The following YLPM1 variants were observed in gnomAD, a reference collection of about 807,000 sequenced individuals.
YLPM1 encodes the protein YLP motif-containing protein 1.
Under a neutral mutation model 230.0 loss-of-function variants are expected in YLPM1, and 99 were observed. That is an observed-to-expected ratio of 0.43 (90% CI 0.37 to 0.51). YLPM1 has a LOEUF of 0.51. Ranked by LOEUF, YLPM1 falls within the 20% of genes least tolerant of loss-of-function variation. The probability of loss-of-function intolerance (pLI) is 0.00; values close to 1 mark genes in which losing one functional copy is unlikely to be tolerated. For missense variants in YLPM1, 2,592 were observed against 2,707.7 expected, an observed-to-expected ratio of 0.96 and a Z score of 0.95; for synonymous variants, 984 against 942.5, an observed-to-expected ratio of 1.04 and a Z score of -0.81.
intron 17 of YLPM1, 135 bp downstream of exon 17, chr14:74,821,272 A>G (rs1237702117): frequency 3.9e-6 from 5 of 1,289,340 alleles, no homozygotes; most frequent in Non-Finnish European, 5.1e-6. Flanking sequence ...ATCATCTTCA[A>G]GGAGACTTTT....
In YLPM1 at chr14:74,778,554, A is replaced by G. The variant is rs1339953448; in HGVS notation, c.981A>G (p.Pro327=). Residue 327 remains proline, a synonymous_variant, in exon 2 of 21, where the codon CCA becomes CCG. Transcript: ENST00000325680. ...GTCCTGTGGTAGCAAAGGATACACCAGAGCCGGTAAAAGAAGAAGTTACAG... is the reference window on the plus strand; with the variant it reads ...GTCCTGTGGTAGCAAAGGATACACCGGAGCCGGTAAAAGAAGAAGTTACAG... The part of the protein sequence containing the change: ...KKGPVVAKDT[P]EPVKEEVTVP... 1 of 1,606,642 alleles carries G rather than the reference A, an allele frequency of 6.2e-7. No individual in the cohort carries two copies. Among genetic ancestry groups the G allele is most frequent in the East Asian group, 2.2e-5 (1 of 44,692 alleles).
intron 1 of YLPM1, among the ~76,000 whole-genome samples, chr14:74,766,207 G>A (rs1399664880): frequency 6.6e-6 from 1 of 152,106 alleles, no homozygotes; most frequent in Non-Finnish European, 1.5e-5. Context: ...TAAAATACGA[G>A]AGTTGTCATG....
Position 74,798,804 on chromosome 14 carries a change from C to T in YLPM1, c.3507C>T (p.Phe1169=). 1 of 1,613,894 alleles carries T rather than the reference C, an allele frequency of 6.2e-7. No homozygotes were observed. Among genetic ancestry groups the T allele is most frequent in the Non-Finnish European group, 8.5e-7 (1 of 1,179,860 alleles). ...RSDFGRDRGP[F]RPEPGDGGEK... is the part of the protein sequence containing the mutation. Reference sequence around the variant, plus strand: ...ATTTTGGTCGTGATAGAGGTCCATTCAGACCAGAACCAGGAGATGGTGGGG... The same window carrying T: ...ATTTTGGTCGTGATAGAGGTCCATTTAGACCAGAACCAGGAGATGGTGGGG... The change falls in exon 5 of 21, where the codon TTC becomes TTT. Residue 1169 remains phenylalanine, a synonymous_variant. Transcript: ENST00000325680.
At chr14:74,835,169 A>G in intron 19 of YLPM1, 96 bp from the exon 20 acceptor site, 1 of 1,454,664 alleles carries the variant, frequency 6.9e-7, no homozygotes. Flanking sequence ...GCGGTTTCAA[A>G]TGAGTCATTC....
At chr14:74,805,225 T>G (rs941747498) in intron 6 of YLPM1, among the ~76,000 whole-genome samples, 16 of 152,084 alleles carry the variant, frequency 1.1e-4, no homozygotes, top group African/African-American at 3.9e-4. Flanking sequence ...TTTTACCAAT[T>G]GGCCAGGCTG....
In YLPM1 at chr14:74,816,706, C is replaced by A; in HGVS notation, c.5685+16C>A. The A allele has an allele frequency of 6.2e-7, 1 of 1,601,904 alleles. No individual in the cohort carries two copies. Among genetic ancestry groups the A allele is most frequent in the South Asian group, 1.1e-5 (1 of 89,004 alleles). ...GAAAAAGAAGGTATGGTATTCATCT[C>A]AGATCTCGTTCTGATTCATTAATAG... On this transcript the variant is annotated intron_variant, in intron 13 of 20. Transcript: ENST00000325680.
intron 4 of YLPM1, among the ~76,000 whole-genome samples, chr14:74,783,870 C>T (rs2091120412): frequency 1.3e-5 from 2 of 152,190 alleles, no homozygotes; most frequent in Admixed American, 1.3e-4. Context: ...GCAGATTATT[C>T]TCCATTTACT....
chr14:74,806,875 T>C (rs1221303267), intron 6 of YLPM1, among the ~76,000 whole-genome samples: 6 of 151,840 alleles, frequency 4.0e-5, no homozygotes, highest in African/African-American at 7.3e-5. Context: ...ATATAAACAA[T>C]AATTTTAAAA....
chr14:74,797,289 C>T lies in YLPM1; in HGVS notation c.2283-291C>T, dbSNP rs999802423. On this transcript the variant is annotated intron_variant, in intron 4 of 20. Transcript: ENST00000325680. ...TACAAGTGTGAGCCACTGCGCCAGGCCTGTAATTGCTTTTTAACCGTTCAG... is the reference window on the plus strand; with the variant it reads ...TACAAGTGTGAGCCACTGCGCCAGGTCTGTAATTGCTTTTTAACCGTTCAG... Among the ~76,000 whole-genome samples, 3 of 151,684 alleles carry T rather than the reference C, an allele frequency of 2.0e-5. No individual in the cohort carries two copies. The South Asian group carries it at 6.2e-4, about 31-fold the overall frequency.
rs759677980 is a variant in YLPM1, at chr14:74,781,397, T to C, written c.1354T>C (p.Tyr452His). The change falls in exon 4 of 21, where the codon TAC becomes CAC. Residue 452 changes from tyrosine to histidine, a missense_variant. By Grantham distance (83) the Tyr-to-His change is moderately conservative. Around this residue, in one of 4 missense-constraint regions of YLPM1, gnomAD observed 1,862 missense variants for 1,819.8 expected, o/e 1.02. Coordinates refer to ENST00000325680, the MANE Select transcript of YLPM1 (RefSeq NM_019589.3). ...GCAGCAGCAACAGTTTCAACATCTT[T>C]ACCAAGAATGGGAGCGAGAGTTTCA... is the stretch of plus-strand genomic sequence containing the variant. ...EMQQQQFQHL[Y>H]QEWEREFQLW... The C allele has an allele frequency of 8.1e-6, 13 of 1,596,084 alleles. No individual in the cohort carries two copies. Among genetic ancestry groups the C allele is most frequent in the African/African-American group, 1.3e-5 (1 of 74,564 alleles).
chr14:74,763,515 G>A lies in YLPM1; in HGVS notation c.26G>A (p.Gly9Asp). MYPNWGRYGGSSHYPPPPV... is the reference protein window; with the variant it reads MYPNWGRYDGSSHYPPPPV... The stretch of plus-strand genomic sequence containing the variant: ...ATGTACCCGAATTGGGGCCGGTATG[G>A]CGGGAGCAGCCACTATCCGCCGCCA... Residue 9 changes from glycine to aspartate, a missense_variant, in exon 1 of 21, where the codon GGC becomes GAC. Physicochemically the swap from Gly to Asp is moderately conservative, Grantham distance 94. Around this residue, in one of 4 missense-constraint regions of YLPM1, gnomAD observed 1,862 missense variants for 1,819.8 expected, o/e 1.02. Transcript: ENST00000325680. 1 of 1,498,216 alleles carries A rather than the reference G, an allele frequency of 6.7e-7. No homozygotes were observed. Among genetic ancestry groups the A allele is most frequent in the Non-Finnish European group, 8.9e-7 (1 of 1,121,026 alleles). The allele number at this position is 1,498,216 out of a possible 1,614,324, so 92.8% of individuals were successfully genotyped here. A position where few individuals can be genotyped will look rare whatever the true frequency, so the allele number is the denominator to read the frequency against.
intron 1 of YLPM1, among the ~76,000 whole-genome samples, chr14:74,767,319 ATCCATG>A (rs1380599340): frequency 6.6e-6 from 1 of 152,218 alleles, no homozygotes; most frequent in Non-Finnish European, 1.5e-5. Context: ...CTTTGATACC[ATCCATG>A]TTAAAATACC....
intron 1 of YLPM1, among the ~76,000 whole-genome samples, chr14:74,767,832 T>C (rs2090928379): frequency 6.6e-6 from 1 of 151,958 alleles, no homozygotes; most frequent in African/African-American, 2.4e-5. Flanking sequence ...TTTTTTTTTT[T>C]GAATTAGAAG....
chr14:74,828,169 C>T (rs1199758837), intron 18 of YLPM1: 1 of 231,846 alleles, frequency 4.3e-6, no homozygotes, highest in Non-Finnish European at 7.1e-6. Flanking sequence ...ACTTTTCATA[C>T]CAAGTTCTCT....
At position 74,767,566 on chromosome 14, in the gene YLPM1, C is replaced by T. The variant is rs546603394; in HGVS notation, c.873+3204C>T. 5.3e-5 allele frequency among the ~76,000 whole-genome samples: 8 copies of T among 152,338 alleles called. No homozygotes were observed. The South Asian group carries it at 1.7e-3, about 32-fold the overall frequency. Reference sequence around the variant, plus strand: ...TTTAACAGCGTCCCTGACCTCTACCCATTAGATGCCAGTGGCAGCCCCCAG... The same window carrying T: ...TTTAACAGCGTCCCTGACCTCTACCTATTAGATGCCAGTGGCAGCCCCCAG... On this transcript the variant is annotated intron_variant, in intron 1 of 20. Coordinates refer to ENST00000325680, the MANE Select transcript of YLPM1 (RefSeq NM_019589.3).
At position 74,781,578 on chromosome 14, in the gene YLPM1, G is replaced by T; in HGVS notation, c.1535G>T (p.Gly512Val). 3 of 1,613,954 alleles carry T rather than the reference G, an allele frequency of 1.9e-6. No homozygotes were observed. The highest frequency in any genetic ancestry group is 2.5e-6 in the Non-Finnish European group (3 of 1,179,888). The change falls in exon 4 of 21, where the codon GGG becomes GTG. Residue 512 changes from glycine to valine, a missense_variant. This residue lies in a region of YLPM1 where 1,862 missense variants were observed against 1,819.8 expected (regional missense o/e 1.02). Coordinates refer to ENST00000325680, the MANE Select transcript of YLPM1 (RefSeq NM_019589.3). ...CAGAACATGAAGAACCAGTATATGG[G>T]GAACATGTCAATGCCACCTCCTTTT... is the stretch of plus-strand genomic sequence containing the variant. Reference protein sequence around the residue: ...SFQNMKNQYMGNMSMPPPFVP... With the variant: ...SFQNMKNQYMVNMSMPPPFVP...
At chr14:74,794,177 T>A (rs2140103959) in intron 4 of YLPM1, among the ~76,000 whole-genome samples, 1 of 152,200 alleles carries the variant, frequency 6.6e-6, no homozygotes, top group Non-Finnish European at 1.5e-5. Context: ...TTCCCAAAAT[T>A]CCCTTTCTCT....
chr14:74,798,418 C>T lies in YLPM1; in HGVS notation c.3121C>T (p.Arg1041Cys), dbSNP rs761369957. The change falls in exon 5 of 21, where the codon CGC (arginine) becomes TGC (cysteine). Residue 1041 changes from arginine (R) to cysteine (C), a missense_variant. Coordinates refer to ENST00000325680, the MANE Select transcript of YLPM1 (RefSeq NM_019589.3). The stretch of plus-strand genomic sequence containing the variant: ...GGATAAAGGTCTAGTAAACAGAGGT[C>T]GCGGCCAGGCAATCAGTCGAGGCCC... ...TRDKGLVNRGRGQAISRGPGL... is the reference protein window; with the variant it reads ...TRDKGLVNRGCGQAISRGPGL... 16 of 1,613,730 alleles carry T rather than the reference C, an allele frequency of 9.9e-6. No homozygotes were observed. The highest frequency in any genetic ancestry group is 8.9e-5 in the East Asian group (4 of 44,884).
intron 15 of YLPM1, among the ~76,000 whole-genome samples, chr14:74,817,985 T>C (rs887817391): frequency 1.3e-5 from 2 of 151,624 alleles, no homozygotes; most frequent in Non-Finnish European, 2.9e-5. Flanking sequence ...GAGCCCACCA[T>C]GTCAAGGCTG....
Sources: gnomAD v4.1 joint callset for allele counts (sites outside exome capture counted in the v4.1 genomes callset) on GRCh38, gnomAD v4.1.1 for gene constraint, gnomAD v4.1.1 regional missense constraint, MANE v1.5 for transcripts, NCBI Gene and HGNC (gene_info 2026-07-23, HGNC 2026-07-21) for gene names.